Variants in PPP1R12A observed in about 807,000 individuals in gnomAD.
PPP1R12A encodes myosin binding subunit.
In PPP1R12A, 19 loss-of-function variants were observed where a neutral mutation model predicts 139.6. The observed-to-expected ratio is 0.14, with a 90% CI of 0.09 to 0.20. The LOEUF (loss-of-function observed/expected upper bound fraction) is 0.20, where lower values mean the gene tolerates loss of function less well. PPP1R12A is among the 10% of genes least tolerant of loss of function. PPP1R12A has a pLI of 1.00. For synonymous variants in PPP1R12A, 427 were observed against 420.6 expected, an observed-to-expected ratio of 1.02 and a Z score of -0.19; for missense variants, 925 against 1,211.5, an observed-to-expected ratio of 0.76 and a Z score of 3.51.
At chr12:79,849,771 A>T (rs528242758) in intron 2 of PPP1R12A, among the ~76,000 whole-genome samples, 8 of 152,332 alleles carry the variant, frequency 5.3e-5, no homozygotes, top group African/African-American at 1.9e-4. Context: ...TTCCTTAAGC[A>T]AATCAAAGGT....
chr12:79,799,451 C>G (rs1872846891), intron 14 of PPP1R12A, among the ~76,000 whole-genome samples: 1 of 152,104 alleles, frequency 6.6e-6, no homozygotes, highest in South Asian at 2.1e-4. Flanking sequence ...CGCCCGGTCT[C>G]CCTGCATTCT....
At chr12:79,845,581 C>A (rs957486149) in intron 2 of PPP1R12A, among the ~76,000 whole-genome samples, 161 bp from the exon 3 acceptor site, 1 of 152,166 alleles carries the variant, frequency 6.6e-6, no homozygotes, top group South Asian at 2.1e-4. Flanking sequence ...CAGTGGCTCA[C>A]GCCTGTAATC....
At chr12:79,851,775 T>G (rs944395027) in intron 2 of PPP1R12A, among the ~76,000 whole-genome samples, 2 of 152,222 alleles carry the variant, frequency 1.3e-5, no homozygotes, top group African/African-American at 4.8e-5. Flanking sequence ...CATAGATGTT[T>G]GCTCTTTTGC....
At chr12:79,780,580 T>C (rs190041372) in intron 23 of PPP1R12A, 2 of 152,290 alleles carry the variant, frequency 1.3e-5, no homozygotes, top group African/African-American at 2.4e-5. Flanking sequence ...AAAAATTAAA[T>C]ATTTAAAATT....
chr12:79,780,644 C>T (rs1014283670), intron 23 of PPP1R12A: 6 of 152,000 alleles, frequency 3.9e-5, no homozygotes, highest in African/African-American at 1.4e-4. Context: ...TTATCCATGC[C>T]TTTCATCTCA....
chr12:79,805,686 G>C lies in PPP1R12A; in HGVS notation c.1906C>G (p.Pro636Ala), dbSNP rs1415120227. 1 of 1,613,492 alleles carries C rather than the reference G, an allele frequency of 6.2e-7. No individual in the cohort carries two copies. The highest frequency in any genetic ancestry group is 1.3e-5 in the African/African-American group (1 of 74,882). ...GAAGCTGCAGCATTTACAACAGTTG[G>C]AGCAACAGGAATGGTCACTGCCGTA... ...VPTAVTIPVAPTVVNAAASTT... is the reference protein window; with the variant it reads ...VPTAVTIPVAATVVNAAASTT... The change falls in exon 14 of 25, where the codon CCA becomes GCA. Residue 636 changes from proline to alanine, a missense_variant. Pro to Ala is a conservative substitution (Grantham distance 27, BLOSUM62 -1). This residue lies in a region of PPP1R12A where 403 missense variants were observed against 463.7 expected (regional missense o/e 0.87). Transcript: ENST00000450142.
intron 1 of PPP1R12A, among the ~76,000 whole-genome samples, chr12:79,921,330 C>A (rs975522852): frequency 1.3e-5 from 2 of 151,958 alleles, no homozygotes; most frequent in African/African-American, 4.8e-5. Flanking sequence ...GTTGAAACTA[C>A]ATAAATAACA....
intron 21 of PPP1R12A, 180 bp from the exon 22 acceptor site, chr12:79,786,658 T>A (rs1488144430): frequency 2.0e-5 from 9 of 451,338 alleles, no homozygotes; most frequent in Non-Finnish European, 3.1e-5. Flanking sequence ...AGTGTGTTTG[T>A]CCCATATAAA....
At chr12:79,859,083 A>G (rs1881009760) in intron 2 of PPP1R12A, among the ~76,000 whole-genome samples, 1 of 152,132 alleles carries the variant, frequency 6.6e-6, no homozygotes, top group Non-Finnish European at 1.5e-5. Flanking sequence ...ATTCCAGTGA[A>G]AAACAACAGT....
chr12:79,923,804 A>T (rs1440273926), intron 1 of PPP1R12A, among the ~76,000 whole-genome samples: 1 of 152,176 alleles, frequency 6.6e-6, no homozygotes, highest in Non-Finnish European at 1.5e-5. Flanking sequence ...GCACTTTGGG[A>T]GGCTGAGGCG....
At chr12:79,935,159 C>G, upstream of PPP1R12A, 1 of 1,342,442 alleles carries the variant, frequency 7.4e-7, no homozygotes, top group African/African-American at 1.5e-5. Context: ...CCGCCCCCAG[C>G]ACGGCCACCC....
At chr12:79,881,583 A>G (rs537182729) in intron 1 of PPP1R12A, among the ~76,000 whole-genome samples, 143 of 152,360 alleles carry the variant, frequency 9.4e-4, no homozygotes, top group Non-Finnish European at 1.6e-3. Flanking sequence ...AGCAATCTCC[A>G]TATCATACAA....
At chr12:79,850,388 C>T (rs925031199) in intron 2 of PPP1R12A, among the ~76,000 whole-genome samples, 3 of 152,172 alleles carry the variant, frequency 2.0e-5, no homozygotes, top group Non-Finnish European at 2.9e-5. Context: ...CTTTGGAAGA[C>T]AAATTTTGAT....
chr12:79,812,816 C>A (rs1874776895), intron 9 of PPP1R12A, among the ~76,000 whole-genome samples: 1 of 152,052 alleles, frequency 6.6e-6, no homozygotes, highest in South Asian at 2.1e-4. Flanking sequence ...AAGTATATCT[C>A]TTCAATCTCC....
At position 79,828,377 on chromosome 12, in the gene PPP1R12A, T is replaced by C. The variant is rs1877040777; in HGVS notation, c.735A>G (p.Glu245=). The change falls in exon 5 of 25, where the codon GAA becomes GAG. Residue 245 remains glutamate, a synonymous_variant. Coordinates refer to ENST00000450142, the MANE Select transcript of PPP1R12A (RefSeq NM_002480.3). ...PLHAAAHWGK[E]EACRILVDNL... Reference sequence around the variant, plus strand: ...TGTCCACTAAAATTCGACATGCTTCTTCTTTACCCCAATGAGCTGCAGCAT... The same window carrying C: ...TGTCCACTAAAATTCGACATGCTTCCTCTTTACCCCAATGAGCTGCAGCAT... 1 of 1,612,632 alleles carries C rather than the reference T, an allele frequency of 6.2e-7. No homozygotes were observed. The highest frequency in any genetic ancestry group is 8.5e-7 in the Non-Finnish European group (1 of 1,179,000).
chr12:79,817,473 C>G lies in PPP1R12A; in HGVS notation c.1160G>C (p.Ser387Thr). ...LASVTNANTS[S>T]TQAAPVAVTT... ...AACAGCTACAGGAGCTGCTTGTGTACTAGAAGTGTTGGCATTAGTTACAGA... is the reference window on the plus strand; with the variant it reads ...AACAGCTACAGGAGCTGCTTGTGTAGTAGAAGTGTTGGCATTAGTTACAGA... The change falls in exon 9 of 25, where the codon AGT becomes ACT. Residue 387 changes from serine to threonine, a missense_variant. Transcript: ENST00000450142. 3 of 1,606,714 alleles carry G rather than the reference C, an allele frequency of 1.9e-6. No homozygotes were observed. The highest frequency in any genetic ancestry group is 2.6e-6 in the Non-Finnish European group (3 of 1,175,766).
chr12:79,879,117 T>C (rs1358467868), intron 1 of PPP1R12A, among the ~76,000 whole-genome samples: 1 of 152,206 alleles, frequency 6.6e-6, no homozygotes, highest in African/African-American at 2.4e-5. Context: ...TGGCAGCTCA[T>C]GCCTATAATC....
At chr12:79,916,299 A>C (rs1275606795) in intron 1 of PPP1R12A, among the ~76,000 whole-genome samples, 3 of 152,180 alleles carry the variant, frequency 2.0e-5, no homozygotes, top group African/African-American at 7.2e-5. Context: ...CACTGCCTTC[A>C]AAAATATTTT....
In PPP1R12A at chr12:79,806,156, T is replaced by C. The variant is rs1289583227; in HGVS notation, c.1823+10A>G. The C allele has an allele frequency of 6.2e-7, 1 of 1,613,414 alleles. No individual in the cohort carries two copies. The highest frequency in any genetic ancestry group is 1.7e-5 in the Admixed American group (1 of 60,004). ...AGTAGACCTGAGCACAAAATGTATC[T>C]GTGACTTACCTGCTTTGTGTGCCTG... On this transcript the variant is annotated intron_variant, in intron 13 of 24. Coordinates refer to ENST00000450142, the MANE Select transcript of PPP1R12A (RefSeq NM_002480.3).
Sources: allele counts gnomAD v4.1 joint callset (sites outside exome capture counted in the v4.1 genomes callset), GRCh38; gene constraint gnomAD v4.1.1; regional missense constraint gnomAD v4.1.1; transcripts MANE v1.5; gene names NCBI Gene and HGNC (gene_info 2026-07-23, HGNC 2026-07-21).